PHKB: variants seen among roughly 807,000 people sequenced by gnomAD.
The protein encoded by PHKB is phosphorylase kinase regulatory subunit beta, also known as phosphorylase b kinase regulatory subunit beta.
PHKB carries 122 observed loss-of-function variants against 152.1 expected under a neutral mutation model. The ratio of observed to expected loss-of-function variants is 0.80; its 90% CI spans 0.69 to 0.93. PHKB has a LOEUF of 0.93. Ranked by LOEUF, PHKB falls within the 40% of genes least tolerant of loss-of-function variation. The pLI, the probability that PHKB is intolerant of heterozygous loss-of-function variation, is 0.00. For synonymous variants in PHKB, 436 were observed against 464.9 expected, an observed-to-expected ratio of 0.94 and a Z score of 0.80; for missense variants, 1,304 against 1,328.4, an observed-to-expected ratio of 0.98 and a Z score of 0.29.
At chr16:47,602,552 T>TC (rs1972248194) in intron 13 of PHKB, among the ~76,000 whole-genome samples, 1 of 150,248 alleles carries the variant, frequency 6.7e-6, no homozygotes, top group African/African-American at 2.4e-5. Flanking sequence ...CTTTTTTTTT[T>TC]TTTTTTTTTT....
In PHKB at chr16:47,669,434, G is replaced by A; in HGVS notation, c.2630+17G>A. On this transcript the variant is annotated intron_variant, in intron 26 of 30. Transcript: ENST00000323584. ...ACGAATCGGGTGAGTGAAGTCCTTT[G>A]CATTTGCATAAAGAGAATTGTTCAA... 1 of 1,609,246 alleles carries A rather than the reference G, an allele frequency of 6.2e-7. No individual in the cohort carries two copies. The highest frequency in any genetic ancestry group is 8.5e-7 in the Non-Finnish European group (1 of 1,175,552).
intron 4 of PHKB, among the ~76,000 whole-genome samples, chr16:47,510,726 A>G (rs550043535): frequency 2.6e-5 from 4 of 152,324 alleles, no homozygotes; most frequent in Non-Finnish European, 4.4e-5. Flanking sequence ...GGAGAAGAAG[A>G]ATTTTTAAAG....
chr16:47,605,914 G>A (rs1972315213), intron 13 of PHKB, among the ~76,000 whole-genome samples: 1 of 152,196 alleles, frequency 6.6e-6, no homozygotes, highest in Non-Finnish European at 1.5e-5. Flanking sequence ...GGAGTCGACT[G>A]ACTGTGTCTC....
At chr16:47,496,614 A>C (rs1023814960) in intron 1 of PHKB, among the ~76,000 whole-genome samples, 2 of 152,224 alleles carry the variant, frequency 1.3e-5, no homozygotes, top group African/African-American at 4.8e-5. Flanking sequence ...GATTGCTTTT[A>C]ACAAGAACGA....
At chr16:47,517,184 A>T (rs749252855) in intron 6 of PHKB, among the ~76,000 whole-genome samples, 2 of 152,164 alleles carry the variant, frequency 1.3e-5, no homozygotes, top group African/African-American at 2.4e-5. Flanking sequence ...TCCCTGTGGA[A>T]CATCTTATGA....
intron 1 of PHKB, among the ~76,000 whole-genome samples, chr16:47,476,774 C>T (rs1434882428): frequency 6.6e-6 from 1 of 152,140 alleles, no homozygotes; most frequent in African/African-American, 2.4e-5. Flanking sequence ...GACTTTTATG[C>T]CTAGGGCTTA....
intron 1 of PHKB, among the ~76,000 whole-genome samples, chr16:47,493,453 G>A (rs1970183746): frequency 6.6e-6 from 1 of 152,114 alleles, no homozygotes; most frequent in Non-Finnish European, 1.5e-5. Flanking sequence ...AGATAAACTA[G>A]TTGAGGTATT....
At chr16:47,555,129 G>A (rs1217856589) in intron 7 of PHKB, among the ~76,000 whole-genome samples, 1 of 152,094 alleles carries the variant, frequency 6.6e-6, no homozygotes. Context: ...ATTCCATATG[G>A]TGCTTATTAC....
chr16:47,641,378 C>T (rs1973019053), intron 15 of PHKB, among the ~76,000 whole-genome samples: 1 of 152,194 alleles, frequency 6.6e-6, no homozygotes, highest in African/African-American at 2.4e-5. Context: ...TTACCAAAAT[C>T]AGTGCTTTCC....
intron 13 of PHKB, among the ~76,000 whole-genome samples, chr16:47,607,756 A>G (rs1567325240): frequency 6.6e-6 from 1 of 152,166 alleles, no homozygotes; most frequent in Admixed American, 6.5e-5. Context: ...CAACTTCCAG[A>G]CTGTTTTCCA....
At chr16:47,533,911 G>A (rs1970906859) in intron 6 of PHKB, among the ~76,000 whole-genome samples, 2 of 151,912 alleles carry the variant, frequency 1.3e-5, no homozygotes, top group Admixed American at 6.6e-5. Context: ...CGGGGCTCCT[G>A]CCTGCTCTGT....
At chr16:47,634,005 A>C (rs1014388711) in intron 14 of PHKB, among the ~76,000 whole-genome samples, 43 of 152,232 alleles carry the variant, frequency 2.8e-4, no homozygotes, top group African/African-American at 9.9e-4. Flanking sequence ...AGAAAGCTGA[A>C]GAAGCCTATT....
intron 1 of PHKB, among the ~76,000 whole-genome samples, chr16:47,480,315 T>C (rs532173073): frequency 1.3e-5 from 2 of 152,316 alleles, no homozygotes; most frequent in South Asian, 4.1e-4. Flanking sequence ...GCTAATTGCT[T>C]AAAGGTCTTT....
At chr16:47,682,560 C>T (rs899702272) in intron 26 of PHKB, among the ~76,000 whole-genome samples, 11 of 152,200 alleles carry the variant, frequency 7.2e-5, no homozygotes, top group South Asian at 2.1e-4. Flanking sequence ...CGCATCGGCT[C>T]CTGAGGCTTC....
intron 13 of PHKB, among the ~76,000 whole-genome samples, chr16:47,599,352 T>G (rs568632338): frequency 2.6e-5 from 4 of 152,244 alleles, no homozygotes; most frequent in Admixed American, 2.0e-4. Flanking sequence ...CCAGCCTGGG[T>G]TTAGTACAAC....
intron 2 of PHKB, among the ~76,000 whole-genome samples, chr16:47,498,584 GC>G (rs748736999): frequency 4.7e-4 from 71 of 152,240 alleles, no homozygotes; most frequent in Non-Finnish European, 7.8e-4. Context: ...AATGTTTTCT[GC>G]CTTTGGAAAA....
chr16:47,531,609 T>TTAC (rs1345314154), intron 6 of PHKB, among the ~76,000 whole-genome samples: 1 of 152,200 alleles, frequency 6.6e-6, no homozygotes, highest in Non-Finnish European at 1.5e-5. Flanking sequence ...TAGCATTGCT[T>TTAC]TACATTTTTG....
intron 7 of PHKB, chr16:47,566,690 G>A (rs1971573177): frequency 8.6e-6 from 7 of 809,904 alleles, no homozygotes; most frequent in Non-Finnish European, 1.3e-5. Flanking sequence ...GGATGGAACG[G>A]TCAATTGGAG....
In PHKB at chr16:47,660,698, A is replaced by G. The variant is rs142381554; in HGVS notation, c.2075A>G (p.Lys692Arg). Reference protein sequence around the residue: ...FKSFEELEPPKHSKVKRQSST... With the variant: ...FKSFEELEPPRHSKVKRQSST... ...AGTTTTGAGGAACTAGAACCTCCCA[A>G]ACATTCAAAAGTCAAACGGCAAAGC... The change falls in exon 22 of 31, where the codon AAA becomes AGA. Residue 692 changes from lysine (K) to arginine (R), a missense_variant. Transcript: ENST00000323584. The G allele has an allele frequency of 1.5e-4, 249 of 1,614,194 alleles. No individual in the cohort carries two copies. The African/African-American group carries it at 3.0e-3, about 19-fold the overall frequency.
Sources: allele counts gnomAD v4.1 joint callset (sites outside exome capture counted in the v4.1 genomes callset), GRCh38; gene constraint gnomAD v4.1.1; transcripts MANE v1.5; gene names NCBI Gene and HGNC (gene_info 2026-07-23, HGNC 2026-07-21).